The following NEB variants were observed in gnomAD, a reference collection of about 807,000 sequenced individuals.
The protein encoded by NEB is nemaline myopathy type 2.
NEB carries 512 observed loss-of-function variants against 952.2 expected under a neutral mutation model. The ratio of observed to expected loss-of-function variants is 0.54; its 90% CI spans 0.50 to 0.58. The LOEUF (loss-of-function observed/expected upper bound fraction) is 0.58. Among genes scored for constraint, NEB ranks in the 20% least tolerant of loss-of-function variants. The probability of loss-of-function intolerance (pLI) is 0.00; values close to 1 mark genes in which losing one functional copy is unlikely to be tolerated. For missense variants in NEB, 8,428 were observed against 9,231.1 expected (o/e 0.91, Z 3.56); for synonymous variants, 2,900 against 3,149.8 (o/e 0.92, Z 2.66).
rs3815853 is a variant in NEB, at chr2:151,579,338, G to A, written c.16704C>T (p.Asp5568=). ...CTTGTTTCCTGGGCGACACACTTAC[G>A]TCGCTCTGTAGGTCGTAGGCTTTCC... ...QARKAYDLQS[D]ALYKADLEWL... is the part of the protein sequence containing the mutation. Residue 5568 remains aspartate (D), a splice_region_variant and synonymous_variant, in exon 105 of 182, where the codon GAC becomes GAT. Coordinates refer to ENST00000397345, the MANE Select transcript of NEB (RefSeq NM_001164508.2). 2.1e-5 allele frequency: 29 copies of A among 1,391,088 alleles called. 2 individuals carry two copies. The East Asian group carries it at 2.3e-4, about 11-fold the overall frequency. 86.2% of individuals were successfully genotyped at this position (1,391,088 alleles called of 1,614,324 possible).
At chr2:151,566,576 G>C (rs1415211538) in intron 114 of NEB, among the ~76,000 whole-genome samples, 2 of 152,196 alleles carry the variant, frequency 1.3e-5, no homozygotes, top group Admixed American at 1.3e-4. Flanking sequence ...CATGCAGAAG[G>C]CTGGTGGCAA....
chr2:151,640,179 T>C (rs991878207), intron 61 of NEB, 119 bp from the exon 62 acceptor site: 3 of 1,456,810 alleles, frequency 2.1e-6, no homozygotes, highest in Admixed American at 1.8e-5. Flanking sequence ...GGGCCAGGTA[T>C]CACACAATAT....
At position 151,656,425 on chromosome 2, in the gene NEB, T is replaced by C; in HGVS notation, c.6223A>G (p.Met2075Val). Residue 2075 changes from methionine to valine, a missense_variant, in exon 49 of 182, where the codon ATG becomes GTG. Around this residue, in one of 11 missense-constraint regions of NEB, gnomAD observed 2,851 missense variants for 2,791.5 expected, o/e 1.02. Coordinates refer to ENST00000397345, the MANE Select transcript of NEB (RefSeq NM_001164508.2). ...TCCTCGAGACTGCGGAAACCAACCA[T>C]TTTCCCCTTCCCTTTTTCATAATTG... ...KYNYEKGKGK[M>V]VGFRSLEDDP... 5.0e-6 allele frequency: 8 copies of C among 1,612,656 alleles called. No homozygotes were observed. The highest frequency in any genetic ancestry group is 6.8e-6 in the Non-Finnish European group (8 of 1,179,060).
chr2:151,727,334 A>G (rs928926768), intron 5 of NEB, among the ~76,000 whole-genome samples: 1 of 152,216 alleles, frequency 6.6e-6, no homozygotes, highest in Non-Finnish European at 1.5e-5. Context: ...TATTCTGCTG[A>G]CATTGTTTAA....
At position 151,485,494 on chromosome 2, in the gene NEB, CCT is replaced by C. The variant is rs59509952; in HGVS notation, c.*264_*265del. On this transcript the variant is annotated 3_prime_UTR_variant, in exon 182 of 182. Transcript: ENST00000397345. Reference sequence around the variant, plus strand: ...TAATGTGTTTGGCATATTCAAAATCCCTGTTTTAGAAAAGAAATAATGTTAAA... The same window carrying C: ...TAATGTGTTTGGCATATTCAAAATCCGTTTTAGAAAAGAAATAATGTTAAA... The C allele has an allele frequency of 0.015, 4,468 of 307,388 alleles. 199 individuals carry two copies. The highest frequency in any genetic ancestry group is 0.088 in the African/African-American group (4,124 of 46,914). The allele number at this position is 307,388 out of a possible 1,614,324, so 19.0% of individuals were successfully genotyped here. A position where few individuals can be genotyped will look rare whatever the true frequency, so the allele number is the denominator to read the frequency against.
chr2:151,708,092 C>T (rs1227888428), intron 12 of NEB, among the ~76,000 whole-genome samples: 2 of 152,148 alleles, frequency 1.3e-5, no homozygotes, highest in East Asian at 3.9e-4. Flanking sequence ...TCTTAAGCAC[C>T]AAATCTCTTC....
rs528472700 is a variant in NEB, at chr2:151,506,931, T to C, written c.23534A>G (p.Glu7845Gly). ...QDTPEILRVK[E>G]NQKNFSSVLY... ...TACCGAGCTGAAATTCTTCTGATTT[T>C]CTTTTACACGCAGTATTTCTGGCGT... Residue 7845 changes from glutamate (E) to glycine (G), a missense_variant, in exon 163 of 182, where the codon GAA (glutamate) becomes GGA (glycine). Physicochemically the swap from Glu to Gly is moderately conservative, Grantham distance 98. Around this residue, in one of 11 missense-constraint regions of NEB, gnomAD observed 3,374 missense variants for 3,651.5 expected, o/e 0.92. Transcript: ENST00000397345. The C allele has an allele frequency of 6.2e-7, 1 of 1,608,428 alleles. No homozygotes were observed. Among genetic ancestry groups the C allele is most frequent in the Admixed American group, 1.7e-5 (1 of 59,942 alleles).
At chr2:151,614,151 T>C in intron 77 of NEB, 125 bp downstream of exon 77, 1 of 1,097,804 alleles carries the variant, frequency 9.1e-7, no homozygotes, top group Non-Finnish European at 1.3e-6. Context: ...CTTTATTTTG[T>C]GCATTTCAGA....
intron 38 of NEB, 118 bp downstream of exon 38, chr2:151,670,905 A>G: frequency 9.4e-7 from 1 of 1,063,996 alleles, no homozygotes; most frequent in Non-Finnish European, 1.4e-6. Flanking sequence ...ATACCTATGA[A>G]AGCAGTTTAT....
chr2:151,618,567 T>C (rs886378014), intron 73 of NEB, 89 bp from the exon 74 acceptor site: 2 of 1,201,816 alleles, frequency 1.7e-6, no homozygotes, highest in African/African-American at 3.1e-5. Context: ...AACACAAAAA[T>C]ACCGATGAAT....
intron 72 of NEB, among the ~76,000 whole-genome samples, chr2:151,620,372 T>TAC (rs2098385277): frequency 1.2e-5 from 1 of 80,928 alleles, no homozygotes; most frequent in Non-Finnish European, 2.8e-5. Context: ...TATATATATA[T>TAC]ATATATATAT....
Position 151,499,339 on chromosome 2 carries a change from C to CT in NEB, c.24072dup (p.Glu8025ArgfsTer13). On this transcript the variant is annotated frameshift_variant, in exon 169 of 182. Transcript: ENST00000397345. LOFTEE classifies it high-confidence loss of function. ...TGATTGTGTTTGACTCTCTCCATCT[C>CT]TGGAGTGATGGGGATTGGAATCCCT... 5.8e-6 allele frequency: 9 copies of CT among 1,546,336 alleles called. No individual in the cohort carries two copies. Among genetic ancestry groups the CT allele is most frequent in the Non-Finnish European group, 7.9e-6 (9 of 1,143,626 alleles).
chr2:151,727,976 A>G lies in NEB; in HGVS notation c.79-70T>C, dbSNP rs575901416. ...CTGTGCTACTGTGATCTTAGTATAT[A>G]TTAGTCTAACTTCAAGTCAGATATA... On this transcript the variant is annotated intron_variant, in intron 4 of 181. Transcript: ENST00000397345. 22 of 1,219,688 alleles carry G rather than the reference A, an allele frequency of 1.8e-5. No homozygotes were observed. The East Asian group carries it at 5.3e-4, about 30-fold the overall frequency. 75.6% of individuals were successfully genotyped at this position (1,219,688 alleles called of 1,614,324 possible).
chr2:151,627,469 T>C, intron 69 of NEB, 54 bp downstream of exon 69: 3 of 1,588,648 alleles, frequency 1.9e-6, no homozygotes, highest in Non-Finnish European at 2.6e-6. Flanking sequence ...ACTGTCTCAG[T>C]ATTTCTATGA....
chr2:151,511,119 C>T (rs150630968), intron 161 of NEB, among the ~76,000 whole-genome samples: 1 of 152,196 alleles, frequency 6.6e-6, no homozygotes, highest in African/African-American at 2.4e-5. Flanking sequence ...CTGAAGCTTT[C>T]GTTAAAGATC....
At chr2:151,666,490 C>T (rs1425149357) in intron 40 of NEB, 89 bp from the exon 41 acceptor site, 17 of 1,304,096 alleles carry the variant, frequency 1.3e-5, no homozygotes, top group Non-Finnish European at 1.7e-5. Flanking sequence ...CAAAAGCCAA[C>T]TTCAGTCTGA....
chr2:151,666,033 C>T (rs112650499), intron 41 of NEB, 57 bp downstream of exon 41: 25 of 1,519,490 alleles, frequency 1.6e-5, no homozygotes, highest in African/African-American at 1.4e-4. Flanking sequence ...GTAAGTGGCT[C>T]CTGTTTTTTC....
chr2:151,702,227 A>T lies in NEB; in HGVS notation c.1153-4579T>A, dbSNP rs538857403. On this transcript the variant is annotated intron_variant, in intron 13 of 181. Transcript: ENST00000397345. ...CTAGTTTGATTGCACTGTGGTCTGA[A>T]AGATAGTTTGTTATAATGTCTGTTC... 6.0e-3 allele frequency among the ~76,000 whole-genome samples: 905 copies of T among 151,610 alleles called. 7 individuals carry two copies. Among genetic ancestry groups the T allele is most frequent in the African/African-American group, 0.021 (858 of 41,320 alleles).
chr2:151,718,326 G>C (rs1016769599), intron 9 of NEB, among the ~76,000 whole-genome samples: 5 of 152,202 alleles, frequency 3.3e-5, no homozygotes, highest in Non-Finnish European at 7.3e-5. Flanking sequence ...TGCCTGCCCA[G>C]TGGTATGTTC....
Sources: allele counts gnomAD v4.1 joint callset (sites outside exome capture counted in the v4.1 genomes callset), GRCh38; gene constraint gnomAD v4.1.1; regional missense constraint gnomAD v4.1.1; transcripts MANE v1.5; gene names NCBI Gene and HGNC (gene_info 2026-07-23, HGNC 2026-07-21).